Variants in PEAK1 observed in about 807,000 individuals in gnomAD.
PEAK1 encodes inactive tyrosine-protein kinase PEAK1.
PEAK1 carries 54 observed loss-of-function variants against 124.7 expected under a neutral mutation model. That is an observed-to-expected ratio of 0.43 (90% CI 0.35 to 0.54). The LOEUF (loss-of-function observed/expected upper bound fraction) is 0.54, where lower values mean the gene tolerates loss of function less well. Among genes scored for constraint, PEAK1 ranks in the 20% least tolerant of loss-of-function variants. The probability of loss-of-function intolerance (pLI) is 0.01; values close to 1 mark genes in which losing one functional copy is unlikely to be tolerated. For synonymous variants in PEAK1, 719 were observed against 760.0 expected (o/e 0.95, Z 0.89); for missense variants, 2,046 against 2,134.5 (o/e 0.96, Z 0.82).
At chr15:77,294,380 A>G (rs1023259760) in intron 2 of PEAK1, among the ~76,000 whole-genome samples, 1 of 152,244 alleles carries the variant, frequency 6.6e-6, no homozygotes, top group Non-Finnish European at 1.5e-5. Flanking sequence ...AGATTTGTAT[A>G]GCAGTTTGAC....
chr15:77,229,649 CTT>C (rs200956203), intron 6 of PEAK1, among the ~76,000 whole-genome samples: 22 of 138,900 alleles, frequency 1.6e-4, no homozygotes, highest in African/African-American at 1.6e-4. Context: ...TCTTTTCTTT[CTT>C]TTTTTTTTTT....
intron 2 of PEAK1, among the ~76,000 whole-genome samples, chr15:77,308,972 A>T (rs1217726065): frequency 6.6e-6 from 1 of 152,148 alleles, no homozygotes; most frequent in Non-Finnish European, 1.5e-5. Flanking sequence ...TACTTTGGAA[A>T]GATTCTATTT....
At chr15:77,351,353 G>A (rs1387820656) in intron 2 of PEAK1, among the ~76,000 whole-genome samples, 1 of 152,184 alleles carries the variant, frequency 6.6e-6, no homozygotes, top group Non-Finnish European at 1.5e-5. Flanking sequence ...ATAGAGCTCG[G>A]TAATAGGTAA....
intron 2 of PEAK1, chr15:77,350,768 C>T: frequency 8.2e-6 from 8 of 980,700 alleles, no homozygotes; most frequent in Non-Finnish European, 8.5e-6. Flanking sequence ...AAAGACAGAT[C>T]AATTCTGTAT....
At chr15:77,400,674 A>G (rs1178758131) in intron 1 of PEAK1, among the ~76,000 whole-genome samples, 1 of 152,168 alleles carries the variant, frequency 6.6e-6, no homozygotes, top group Non-Finnish European at 1.5e-5. Flanking sequence ...AGGAACATCT[A>G]TATTTAATAT....
chr15:77,209,720 C>G (rs1208467873), intron 6 of PEAK1, among the ~76,000 whole-genome samples: 1 of 152,118 alleles, frequency 6.6e-6, no homozygotes, highest in Non-Finnish European at 1.5e-5. Flanking sequence ...TTTTTCTTCA[C>G]TGGGTGTGGT....
chr15:77,291,407 T>C (rs2063205630), intron 2 of PEAK1, among the ~76,000 whole-genome samples: 1 of 152,096 alleles, frequency 6.6e-6, no homozygotes, highest in African/African-American at 2.4e-5. Context: ...TATTATAAAA[T>C]AAATTTCTTT....
chr15:77,419,213 G>C, intron 1 of PEAK1: 2 of 985,264 alleles, frequency 2.0e-6, no homozygotes, highest in Non-Finnish European at 2.4e-6. Flanking sequence ...CGGGGGAGGA[G>C]GGTCTCTCCC....
At chr15:77,283,221 T>C (rs113706912) in intron 5 of PEAK1, among the ~76,000 whole-genome samples, 48 of 152,340 alleles carry the variant, frequency 3.2e-4, no homozygotes, top group African/African-American at 1.0e-3. Flanking sequence ...TCAAATTTTG[T>C]TGTATATCAA....
chr15:77,178,156 A>C (rs2056999439), intron 7 of PEAK1: 1 of 152,232 alleles, frequency 6.6e-6, no homozygotes, highest in Non-Finnish European at 1.5e-5. Flanking sequence ...TTGGGTATGC[A>C]ATCTGTCTAG....
chr15:77,380,844 G>T (rs2069417919), intron 1 of PEAK1, among the ~76,000 whole-genome samples: 1 of 152,196 alleles, frequency 6.6e-6, no homozygotes, highest in Admixed American at 6.5e-5. Context: ...AAATGGCAGA[G>T]TAAGTGTTGC....
chr15:77,114,639 C>G lies in PEAK1; in HGVS notation c.4758G>C (p.Gln1586His). The G allele has an allele frequency of 1.9e-6, 3 of 1,613,936 alleles. No homozygotes were observed. The South Asian group carries it at 3.3e-5, about 18-fold the overall frequency. The part of the protein sequence containing the change: ...RLAPEIITAT[Q>H]YKKCDEFQTG... ...TCTGGAACTCATCACACTTTTTATACTGGGTAGCTGTTATGATCTCTGGGG... is the reference window on the plus strand; with the variant it reads ...TCTGGAACTCATCACACTTTTTATAGTGGGTAGCTGTTATGATCTCTGGGG... The change falls in exon 10 of 10, where the codon CAG becomes CAC. Residue 1586 changes from glutamine to histidine, a missense_variant. Physicochemically the swap from Gln to His is conservative, Grantham distance 24 (BLOSUM62 0). Coordinates refer to ENST00000682557, the MANE Select transcript of PEAK1 (RefSeq NM_001385026.1).
chr15:77,378,535 TA>T, intron 1 of PEAK1, among the ~76,000 whole-genome samples: 1 of 152,280 alleles, frequency 6.6e-6, no homozygotes, highest in Non-Finnish European at 1.5e-5. Context: ...TATTGGAAAA[TA>T]AAATATTTCC....
At chr15:77,272,767 G>A (rs187196283) in intron 5 of PEAK1, among the ~76,000 whole-genome samples, 14 of 150,512 alleles carry the variant, frequency 9.3e-5, no homozygotes, top group East Asian at 3.9e-4. Flanking sequence ...CTATGAAGCC[G>A]GTATCACCCT....
At chr15:77,228,987 T>C (rs1215943552) in intron 6 of PEAK1, among the ~76,000 whole-genome samples, 3 of 152,070 alleles carry the variant, frequency 2.0e-5, no homozygotes, top group African/African-American at 4.8e-5. Context: ...TCAGGATGTA[T>C]TGGCCCTAGA....
chr15:77,279,371 T>C (rs867914681), intron 5 of PEAK1, among the ~76,000 whole-genome samples: 24 of 152,230 alleles, frequency 1.6e-4, no homozygotes, highest in Non-Finnish European at 2.6e-4. Context: ...TTTTATGTTC[T>C]TTTCTCCCTT....
intron 2 of PEAK1, among the ~76,000 whole-genome samples, chr15:77,331,545 T>C (rs1487070917): frequency 6.6e-6 from 1 of 152,238 alleles, no homozygotes. Context: ...ATAATTTCTC[T>C]AGGATAAATT....
chr15:77,341,160 T>G (rs1238840063), intron 2 of PEAK1, among the ~76,000 whole-genome samples: 1 of 152,012 alleles, frequency 6.6e-6, no homozygotes, highest in East Asian at 1.9e-4. Flanking sequence ...CCTTTCCCCA[T>G]GAGTTAGGGC....
rs1238028312 is a variant in PEAK1, at chr15:77,417,984, G to A, written c.-666+2022C>T. ...TGTACAAAGATAAATGTTTATATGA[G>A]TACACGTATAATGCATTCCAGGAAC... On this transcript the variant is annotated intron_variant, in intron 1 of 9. Transcript: ENST00000682557. 10 of 969,654 alleles carry A rather than the reference G, an allele frequency of 1.0e-5. No homozygotes were observed. In the South Asian group the frequency reaches 2.9e-4, roughly 28 times the overall value. 60.1% of individuals were successfully genotyped at this position (969,654 alleles called of 1,614,324 possible). A position where few individuals can be genotyped will look rare whatever the true frequency, so the allele number is the denominator to read the frequency against.
Sources: allele counts gnomAD v4.1 joint callset (sites outside exome capture counted in the v4.1 genomes callset), GRCh38; gene constraint gnomAD v4.1.1; transcripts MANE v1.5; gene names NCBI Gene and HGNC (gene_info 2026-07-23, HGNC 2026-07-21).